ASPH: variants seen among roughly 807,000 people sequenced by gnomAD.
ASPH encodes the protein aspartate beta-hydroxylase, also known as aspartyl/asparaginyl beta-hydroxylase.
In ASPH, 100 loss-of-function variants were observed where a neutral mutation model predicts 118.4. The ratio of observed to expected loss-of-function variants is 0.84; its 90% CI spans 0.72 to 1.00. The LOEUF (loss-of-function observed/expected upper bound fraction) is 1.00. Among genes scored for constraint, ASPH ranks in the 50% least tolerant of loss-of-function variants. The probability of loss-of-function intolerance (pLI) is 0.00; values close to 1 mark genes in which losing one functional copy is unlikely to be tolerated. For missense variants in ASPH, 920 were observed against 919.5 expected (o/e 1.00, Z -0.01); for synonymous variants, 315 against 325.6 (o/e 0.97, Z 0.35).
intron 3 of ASPH, chr8:61,663,057 T>C (rs931099581): frequency 1.0e-6 from 1 of 985,262 alleles, no homozygotes; most frequent in Non-Finnish European, 1.2e-6. Flanking sequence ...AGACAGCACT[T>C]AAAATTTTGT....
chr8:61,597,567 G>T (rs926726977), intron 14 of ASPH, among the ~76,000 whole-genome samples: 7 of 152,178 alleles, frequency 4.6e-5, no homozygotes, highest in Admixed American at 4.6e-4. Flanking sequence ...AAACAAAATG[G>T]TCTTCTCCAA....
chr8:61,560,786 T>C (rs1173254275), intron 18 of ASPH, among the ~76,000 whole-genome samples: 1 of 152,048 alleles, frequency 6.6e-6, no homozygotes, highest in East Asian at 1.9e-4. Flanking sequence ...GGGATGAATA[T>C]CCTGAAGGGA....
chr8:61,700,916 GTTAT>G (rs1195969556), intron 1 of ASPH, among the ~76,000 whole-genome samples: 6 of 152,248 alleles, frequency 3.9e-5, no homozygotes, highest in Middle Eastern at 3.4e-3. Flanking sequence ...TTTCTTTATA[GTTAT>G]TTAAAGTGAA....
intron 13 of ASPH, chr8:61,626,364 A>G (rs565752264): frequency 2.2e-6 from 3 of 1,346,678 alleles, no homozygotes; most frequent in African/African-American, 3.0e-5. Context: ...TACTTTTTAA[A>G]AAACCCACCA....
chr8:61,580,209 C>G (rs971451242), intron 15 of ASPH, among the ~76,000 whole-genome samples: 1 of 152,186 alleles, frequency 6.6e-6, no homozygotes, highest in Admixed American at 6.5e-5. Context: ...GTGGATCTAC[C>G]ATTCTGGGGC....
chr8:61,619,066 T>C (rs1849994672), intron 13 of ASPH, 47 bp from the exon 14 acceptor site: 1 of 1,348,684 alleles, frequency 7.4e-7, no homozygotes, highest in Non-Finnish European at 1.0e-6. Flanking sequence ...AAGTCACCAT[T>C]CAGTATCTCA....
intron 14 of ASPH, among the ~76,000 whole-genome samples, chr8:61,607,661 C>G (rs1461191397): frequency 6.6e-6 from 1 of 151,932 alleles, no homozygotes; most frequent in Non-Finnish European, 1.5e-5. Context: ...CATGAGAGAC[C>G]CATGAATCGG....
intron 3 of ASPH, among the ~76,000 whole-genome samples, chr8:61,670,095 G>GTTTGTTT: frequency 6.6e-6 from 1 of 151,638 alleles, no homozygotes; most frequent in South Asian, 2.1e-4. Context: ...ACATAAAAAG[G>GTTTGTTT]ACCAAGCTAA....
chr8:61,670,792 C>T (rs1822078110), intron 3 of ASPH, among the ~76,000 whole-genome samples: 1 of 150,952 alleles, frequency 6.6e-6, no homozygotes, highest in African/African-American at 2.4e-5. Flanking sequence ...AGACAAGAAA[C>T]AATAGCTCAA....
chr8:61,527,933 A>G (rs566870702), intron 21 of ASPH, among the ~76,000 whole-genome samples: 1 of 152,346 alleles, frequency 6.6e-6, no homozygotes, highest in African/African-American at 2.4e-5. Context: ...AGAAAAACAA[A>G]TTCTGAAACA....
intron 14 of ASPH, among the ~76,000 whole-genome samples, chr8:61,610,749 C>G (rs970466272): frequency 2.0e-5 from 3 of 152,168 alleles, no homozygotes; most frequent in African/African-American, 4.8e-5. Context: ...AACTGAACCA[C>G]CAGCCTGTGC....
At chr8:61,713,913 C>A (rs1563687012) in intron 1 of ASPH, among the ~76,000 whole-genome samples, 1 of 152,204 alleles carries the variant, frequency 6.6e-6, no homozygotes, top group Non-Finnish European at 1.5e-5. Flanking sequence ...CCCCAAAACA[C>A]GCAAGGCAAA....
intron 23 of ASPH, 48 bp from the exon 24 acceptor site, chr8:61,517,709 A>G (rs754323320): frequency 1.9e-6 from 3 of 1,590,922 alleles, no homozygotes; most frequent in Non-Finnish European, 2.6e-6. Flanking sequence ...CAAGGTGTGG[A>G]GGAACTGCTA....
intron 21 of ASPH, among the ~76,000 whole-genome samples, chr8:61,528,953 G>A (rs1050203350): frequency 1.3e-5 from 2 of 152,108 alleles, no homozygotes; most frequent in Non-Finnish European, 2.9e-5. Flanking sequence ...TACTAACTCA[G>A]TACTATCTAG....
At chr8:61,617,712 C>A (rs1222398577) in intron 14 of ASPH, among the ~76,000 whole-genome samples, 1 of 151,926 alleles carries the variant, frequency 6.6e-6, no homozygotes, top group African/African-American at 2.4e-5. Context: ...GGGAGGATTA[C>A]AACAAGGCCA....
chr8:61,608,056 A>G (rs1194303215), intron 14 of ASPH, among the ~76,000 whole-genome samples: 1 of 152,294 alleles, frequency 6.6e-6, no homozygotes, highest in African/African-American at 2.4e-5. Flanking sequence ...CCCAGGCAAC[A>G]TATTTGCAGC....
At chr8:61,527,651 T>C (rs984741412) in intron 21 of ASPH, among the ~76,000 whole-genome samples, 15 of 152,172 alleles carry the variant, frequency 9.9e-5, no homozygotes, top group African/African-American at 2.7e-4. Context: ...ATTAGGGAGA[T>C]GCAGCTTTGG....
intron 22 of ASPH, among the ~76,000 whole-genome samples, chr8:61,524,355 A>G (rs912351293): frequency 1.4e-4 from 21 of 152,224 alleles, no homozygotes; most frequent in Non-Finnish European, 2.1e-4. Flanking sequence ...CAAAATATTT[A>G]AAAGAAAAAT....
intron 24 of ASPH, among the ~76,000 whole-genome samples, chr8:61,511,692 C>T (rs1328247972): frequency 6.6e-6 from 1 of 152,182 alleles, no homozygotes; most frequent in African/African-American, 2.4e-5. Context: ...CAACCTCCAC[C>T]TCCATTATTC....
Sources: gnomAD v4.1 joint callset for allele counts (sites outside exome capture counted in the v4.1 genomes callset) on GRCh38, gnomAD v4.1.1 for gene constraint, MANE v1.5 for transcripts, NCBI Gene and HGNC (gene_info 2026-07-23, HGNC 2026-07-21) for gene names.